Variants in SLCO2A1 observed in about 807,000 individuals in gnomAD.
The protein encoded by SLCO2A1 is solute carrier organic anion transporter family member 2A1.
A neutral mutation model predicts 71.7 loss-of-function variants in SLCO2A1; 60 were observed. The ratio of observed to expected loss-of-function variants is 0.84; its 90% CI spans 0.68 to 1.04. SLCO2A1 has a LOEUF of 1.04. Among genes scored for constraint, SLCO2A1 ranks in the 50% least tolerant of loss-of-function variants. The pLI is 0.00. For synonymous variants in SLCO2A1, 308 were observed against 326.7 expected, an observed-to-expected ratio of 0.94 and a Z score of 0.62; for missense variants, 745 against 813.4, an observed-to-expected ratio of 0.92 and a Z score of 1.02.
intron 1 of SLCO2A1, among the ~76,000 whole-genome samples, chr3:134,020,401 T>C (rs988056044): frequency 3.9e-5 from 6 of 152,328 alleles, no homozygotes; most frequent in African/African-American, 1.2e-4. Context: ...CTTAGGCGGC[T>C]TAAGCCTGCC....
At position 134,029,488 on chromosome 3, in the gene SLCO2A1, ACTCGCACG is replaced by A. The variant is rs761618545; in HGVS notation, c.96+211_96+218del. On this transcript the variant is annotated intron_variant, in intron 1 of 13. Coordinates refer to ENST00000310926, the MANE Select transcript of SLCO2A1 (RefSeq NM_005630.3). ...AAGGCGTGTGAACACACACACACAC[ACTCGCACG>A]CACACACACACGCTCACACACACAC... is the stretch of plus-strand genomic sequence containing the variant. Among the ~76,000 whole-genome samples the A allele has an allele frequency of 9.4e-3, 1,234 of 130,858 alleles. 17 individuals carry two copies. The highest frequency in any genetic ancestry group is 0.027 in the African/African-American group (839 of 30,830). 85.8% of individuals were successfully genotyped at this position (130,858 alleles called of 152,430 possible).
At chr3:133,959,246 G>A (rs948602525) in intron 3 of SLCO2A1, among the ~76,000 whole-genome samples, 10 of 152,198 alleles carry the variant, frequency 6.6e-5, no homozygotes, top group Non-Finnish European at 1.3e-4. Flanking sequence ...GGTGGGAGAT[G>A]TGGGCATGAC....
intron 2 of SLCO2A1, among the ~76,000 whole-genome samples, chr3:133,978,148 A>G (rs979780675): frequency 6.6e-6 from 1 of 152,208 alleles, no homozygotes. Flanking sequence ...AGGGGCACCA[A>G]TGAAGATTCC....
intron 1 of SLCO2A1, among the ~76,000 whole-genome samples, chr3:133,991,210 C>T (rs1275065902): frequency 2.0e-5 from 3 of 152,192 alleles, no homozygotes; most frequent in Non-Finnish European, 4.4e-5. Flanking sequence ...TCTGAAAGAT[C>T]CTCGGAGCTG....
At chr3:134,008,949 G>A (rs1935277203) in intron 1 of SLCO2A1, among the ~76,000 whole-genome samples, 1 of 152,184 alleles carries the variant, frequency 6.6e-6, no homozygotes, top group Non-Finnish European at 1.5e-5. Context: ...CACTGCAGGG[G>A]TCAGTCCTTC....
chr3:133,947,051 T>C (rs767443577), intron 9 of SLCO2A1, among the ~76,000 whole-genome samples: 2 of 151,908 alleles, frequency 1.3e-5, no homozygotes, highest in Non-Finnish European at 2.9e-5. Flanking sequence ...GGAGAATCAC[T>C]TGAACCTGGG....
At position 133,934,742 on chromosome 3, in the gene SLCO2A1, T is replaced by C; in HGVS notation, c.1903A>G (p.Asn635Asp). The C allele has an allele frequency of 6.2e-7, 1 of 1,613,662 alleles. No homozygotes were observed. The highest frequency in any genetic ancestry group is 8.5e-7 in the Non-Finnish European group (1 of 1,179,982). The change falls in exon 14 of 14, where the codon AAC (asparagine) becomes GAC (aspartate). Residue 635 changes from asparagine (N) to aspartate (D), a missense_variant. Physicochemically the swap from Asn to Asp is conservative, Grantham distance 23. Coordinates refer to ENST00000310926, the MANE Select transcript of SLCO2A1 (RefSeq NM_005630.3). Reference protein sequence around the residue: ...SWRVKKNKEYNVQKAAGLI With the variant: ...SWRVKKNKEYDVQKAAGLI ...ATGAGGCCTGCCGCCTTCTGCACGT[T>C]GTACTCCTTGTTCTTCTTCACCCTC...
At chr3:133,960,107 G>C (rs542527999) in intron 3 of SLCO2A1, among the ~76,000 whole-genome samples, 1 of 151,202 alleles carries the variant, frequency 6.6e-6, no homozygotes, top group Non-Finnish European at 1.5e-5. Flanking sequence ...GTGACAGAGC[G>C]AGACTCCGTC....
At chr3:133,990,900 G>A (rs551282369) in intron 1 of SLCO2A1, among the ~76,000 whole-genome samples, 61 of 152,076 alleles carry the variant, frequency 4.0e-4, no homozygotes, top group Non-Finnish European at 7.8e-4. Flanking sequence ...ACCTGAGGTC[G>A]GGAGTTCAAG....
intron 1 of SLCO2A1, among the ~76,000 whole-genome samples, chr3:134,020,995 G>A (rs566197370): frequency 5.3e-5 from 8 of 152,098 alleles, no homozygotes; most frequent in South Asian, 4.2e-4. Context: ...GAGTGGAAGC[G>A]TGGCCTCATC....
chr3:133,948,231 G>A (rs964243371), intron 8 of SLCO2A1, among the ~76,000 whole-genome samples: 2 of 152,188 alleles, frequency 1.3e-5, no homozygotes, highest in Admixed American at 6.5e-5. Context: ...CCTCTTTCCT[G>A]TGTTGTTCCT....
At chr3:134,009,359 C>T (rs1168720495) in intron 1 of SLCO2A1, among the ~76,000 whole-genome samples, 1 of 152,196 alleles carries the variant, frequency 6.6e-6, no homozygotes, top group Non-Finnish European at 1.5e-5. Flanking sequence ...AGAATGAACT[C>T]TTCCCCCAAA....
chr3:133,979,079 C>G (rs981506345), intron 2 of SLCO2A1, among the ~76,000 whole-genome samples: 9 of 152,192 alleles, frequency 5.9e-5, no homozygotes, highest in African/African-American at 2.2e-4. Flanking sequence ...GGGGCAGGGG[C>G]CCCACAGGCT....
chr3:133,995,079 G>A (rs547611810), intron 1 of SLCO2A1, among the ~76,000 whole-genome samples: 43 of 152,150 alleles, frequency 2.8e-4, no homozygotes, highest in African/African-American at 9.4e-4. Flanking sequence ...AGGTGCACCC[G>A]AGGGACTGGT....
chr3:133,968,760 CGTTGGCCA>C (rs1473391373), intron 3 of SLCO2A1, among the ~76,000 whole-genome samples: 3 of 152,200 alleles, frequency 2.0e-5, no homozygotes, highest in Non-Finnish European at 2.9e-5. Flanking sequence ...ACTGGTCTCA[CGTTGGCCA>C]GTTTCCCATA....
At chr3:134,029,130 A>C (rs1443233326) in intron 1 of SLCO2A1, among the ~76,000 whole-genome samples, 1 of 152,094 alleles carries the variant, frequency 6.6e-6, no homozygotes, top group Non-Finnish European at 1.5e-5. Flanking sequence ...AATTCTAAAC[A>C]TAACTGCGAG....
intron 1 of SLCO2A1, among the ~76,000 whole-genome samples, chr3:133,989,746 A>T (rs1454965586): frequency 6.6e-6 from 1 of 152,204 alleles, no homozygotes; most frequent in Non-Finnish European, 1.5e-5. Context: ...TCTGTTGATG[A>T]CATCCACACA....
At chr3:133,964,980 AGG>A (rs1934130209) in intron 3 of SLCO2A1, among the ~76,000 whole-genome samples, 1 of 152,232 alleles carries the variant, frequency 6.6e-6, no homozygotes, top group African/African-American at 2.4e-5. Context: ...GACATACCTG[AGG>A]GAGCAGGATG....
intron 3 of SLCO2A1, among the ~76,000 whole-genome samples, chr3:133,962,308 G>A (rs536920090): frequency 3.2e-4 from 48 of 152,264 alleles, no homozygotes; most frequent in South Asian, 6.2e-4. Flanking sequence ...TCGAACTCCT[G>A]ACCTCAGACG....
Sources: gnomAD v4.1 joint callset for allele counts (sites outside exome capture counted in the v4.1 genomes callset) on GRCh38, gnomAD v4.1.1 for gene constraint, MANE v1.5 for transcripts, NCBI Gene and HGNC (gene_info 2026-07-23, HGNC 2026-07-21) for gene names.